The following CDH7 variants were observed in gnomAD, a reference collection of about 807,000 sequenced individuals.
CDH7 encodes the protein cadherin-7.
CDH7 carries 25 observed loss-of-function variants against 71.8 expected under a neutral mutation model. That is an observed-to-expected ratio of 0.35 (90% CI 0.25 to 0.49). The LOEUF (loss-of-function observed/expected upper bound fraction) is 0.49, where lower values mean the gene tolerates loss of function less well. Ranked by LOEUF, CDH7 falls within the 20% of genes least tolerant of loss-of-function variation. The probability of loss-of-function intolerance (pLI) is 0.99; values close to 1 mark genes in which losing one functional copy is unlikely to be tolerated. For missense variants in CDH7, 862 were observed against 974.6 expected (o/e 0.88, Z 1.54); for synonymous variants, 381 against 363.8 (o/e 1.05, Z -0.54).
At chr18:65,787,796 G>A (rs1218717621) in intron 2 of CDH7, among the ~76,000 whole-genome samples, 2 of 152,134 alleles carry the variant, frequency 1.3e-5, no homozygotes, top group East Asian at 3.9e-4. Context: ...TTTCACAGGT[G>A]AACATAGCTA....
rs144334362 is a variant in CDH7, at chr18:65,857,878, T to A, written c.1298T>A (p.Val433Asp). Residue 433 changes from valine (V) to aspartate (D), a missense_variant, in exon 8 of 12, where the codon GTC (valine) becomes GAC (aspartate). By Grantham distance (152) the Val-to-Asp change is radical. Transcript: ENST00000397968. ...RYFNIDANSG[V>D]ITTAKSLDRE... Reference sequence around the variant, plus strand: ...TTCAATATTGATGCCAACAGTGGGGTCATCACAACTGCCAAGTCTTTGGAT... The same window carrying A: ...TTCAATATTGATGCCAACAGTGGGGACATCACAACTGCCAAGTCTTTGGAT... The A allele has an allele frequency of 4.3e-4, 687 of 1,612,806 alleles. No individual in the cohort carries two copies. Among genetic ancestry groups the A allele is most frequent in the Non-Finnish European group, 5.3e-4 (621 of 1,179,030 alleles).
chr18:65,824,979 G>C, intron 6 of CDH7, 148 bp downstream of exon 6: 1 of 494,376 alleles, frequency 2.0e-6, no homozygotes, highest in Non-Finnish European at 3.5e-6. Context: ...AATTTTTGGT[G>C]TCAGACTCTT....
intron 2 of CDH7, among the ~76,000 whole-genome samples, chr18:65,786,936 G>A (rs1223223327): frequency 6.6e-6 from 1 of 151,984 alleles, no homozygotes; most frequent in Non-Finnish European, 1.5e-5. Context: ...TGATCCTCTG[G>A]CCTCAGCCCC....
At chr18:65,789,317 G>C (rs1461396177) in intron 2 of CDH7, among the ~76,000 whole-genome samples, 1 of 152,156 alleles carries the variant, frequency 6.6e-6, no homozygotes, top group African/African-American at 2.4e-5. Flanking sequence ...TTCAAAAGAA[G>C]CAGCTTATGC....
At chr18:65,814,894 T>C (rs1045746704) in intron 4 of CDH7, among the ~76,000 whole-genome samples, 1 of 152,194 alleles carries the variant, frequency 6.6e-6, no homozygotes, top group Non-Finnish European at 1.5e-5. Context: ...CTCAGAGCTT[T>C]ACCTGTGTTT....
At chr18:65,865,092 G>A (rs1913712652) in intron 11 of CDH7, among the ~76,000 whole-genome samples, 2 of 151,992 alleles carry the variant, frequency 1.3e-5, no homozygotes, top group African/African-American at 4.8e-5. Context: ...CCTCAATAAT[G>A]AATTGTTTTT....
At chr18:65,766,807 G>A (rs1375433050) in intron 2 of CDH7, among the ~76,000 whole-genome samples, 1 of 142,374 alleles carries the variant, frequency 7.0e-6, no homozygotes, top group African/African-American at 2.5e-5. Flanking sequence ...CCATTTCATT[G>A]GATCGCACTG....
intron 11 of CDH7, among the ~76,000 whole-genome samples, chr18:65,871,979 TG>T (rs1273302014): frequency 6.0e-5 from 9 of 150,686 alleles, no homozygotes; most frequent in African/African-American, 1.5e-4. Context: ...AGGAAGAATG[TG>T]GGGTGAAAAG....
intron 2 of CDH7, among the ~76,000 whole-genome samples, chr18:65,782,292 G>A (rs1159585668): frequency 6.6e-6 from 1 of 151,416 alleles, no homozygotes; most frequent in Non-Finnish European, 1.5e-5. Flanking sequence ...TCAGCCTCCT[G>A]AATAGCTGGG....
At chr18:65,815,857 T>C (rs1189606895) in intron 4 of CDH7, among the ~76,000 whole-genome samples, 2 of 152,198 alleles carry the variant, frequency 1.3e-5, no homozygotes, top group African/African-American at 4.8e-5. Flanking sequence ...ACCTCTTCCC[T>C]TCTATGCCTA....
At chr18:65,805,365 T>C (rs887181616) in intron 2 of CDH7, among the ~76,000 whole-genome samples, 1 of 152,180 alleles carries the variant, frequency 6.6e-6, no homozygotes, top group South Asian at 2.1e-4. Flanking sequence ...TAGTCCAGCA[T>C]GCTTGGACCA....
intron 2 of CDH7, among the ~76,000 whole-genome samples, chr18:65,790,850 C>T (rs1007888202): frequency 6.6e-6 from 1 of 152,296 alleles, no homozygotes; most frequent in Non-Finnish European, 1.5e-5. Context: ...GCTTAGGCAA[C>T]AGAGTGAAAC....
intron 2 of CDH7, among the ~76,000 whole-genome samples, chr18:65,783,082 C>A (rs1230404530): frequency 6.6e-6 from 1 of 152,172 alleles, no homozygotes; most frequent in African/African-American, 2.4e-5. Flanking sequence ...TTATGCTGCT[C>A]TGTGTATGTT....
In CDH7 at chr18:65,855,322, A is replaced by G. The variant is rs576409264; in HGVS notation, c.1236-2494A>G. Among the ~76,000 whole-genome samples the G allele has an allele frequency of 6.4e-4, 97 of 150,758 alleles. 1 individual carries two copies. The highest frequency in any genetic ancestry group is 3.4e-3 in the Middle Eastern group (1 of 292). ...CTTGTTTTTTTGAACAGACCTAAATATTGATAAACGTCTACCAACATTGAC... is the reference window on the plus strand; with the variant it reads ...CTTGTTTTTTTGAACAGACCTAAATGTTGATAAACGTCTACCAACATTGAC... On this transcript the variant is annotated intron_variant, in intron 7 of 11. Coordinates refer to ENST00000397968, the MANE Select transcript of CDH7 (RefSeq NM_004361.5).
chr18:65,758,309 C>T (rs1263752584), intron 1 of CDH7, among the ~76,000 whole-genome samples: 7 of 152,144 alleles, frequency 4.6e-5, no homozygotes, highest in African/African-American at 1.4e-4. Context: ...CTGCTATACT[C>T]GCCTTTCTCT....
At position 65,885,017 on chromosome 18, in the gene CDH7, G is replaced by T. The variant is rs911410171; in HGVS notation, c.*4123G>T. 1.3e-5 allele frequency: 2 copies of T among 152,086 alleles called. No individual in the cohort carries two copies. Among genetic ancestry groups the T allele is most frequent in the Non-Finnish European group, 2.9e-5 (2 of 68,016 alleles). The allele number at this position is 152,086 out of a possible 1,614,324, so 9.4% of individuals were successfully genotyped here. A position where few individuals can be genotyped will look rare whatever the true frequency, so the allele number is the denominator to read the frequency against. ...ACCAATTTATTTTCTGTTAGTGTAT[G>T]TTTATTTTTTAATTATTAATAATGT... On this transcript the variant is annotated 3_prime_UTR_variant, in exon 12 of 12. Transcript: ENST00000397968.
chr18:65,768,133 A>G (rs1327003546), intron 2 of CDH7, among the ~76,000 whole-genome samples: 2 of 152,168 alleles, frequency 1.3e-5, no homozygotes, highest in African/African-American at 2.4e-5. Flanking sequence ...TGCCTTTTTA[A>G]CAATGTTTGT....
intron 2 of CDH7, among the ~76,000 whole-genome samples, 194 bp downstream of exon 2, chr18:65,763,246 A>G (rs1916255185): frequency 1.3e-5 from 2 of 152,222 alleles, no homozygotes; most frequent in Admixed American, 1.3e-4. Flanking sequence ...TATAATATTC[A>G]TTACAGTGAA....
chr18:65,883,464 TTAA>T lies in CDH7; in HGVS notation c.*2573_*2575del. ...GTGATTGAAGAGCTGATTGATAAAA[TTAA>T]TATTAAGTCTAGTTGGAAAATTCTC... On this transcript the variant is annotated 3_prime_UTR_variant, in exon 12 of 12. Coordinates refer to ENST00000397968, the MANE Select transcript of CDH7 (RefSeq NM_004361.5). 6.6e-6 allele frequency: 1 copy of T among 151,180 alleles called. No individual in the cohort carries two copies. The highest frequency in any genetic ancestry group is 2.5e-5 in the African/African-American group (1 of 40,650). The allele number at this position is 151,180 out of a possible 1,614,324, so 9.4% of individuals were successfully genotyped here. A position where few individuals can be genotyped will look rare whatever the true frequency, so the allele number is the denominator to read the frequency against.
Sources: gnomAD v4.1 joint callset for allele counts (sites outside exome capture counted in the v4.1 genomes callset) on GRCh38, gnomAD v4.1.1 for gene constraint, MANE v1.5 for transcripts, NCBI Gene and HGNC (gene_info 2026-07-23, HGNC 2026-07-21) for gene names.